UACA: variants seen among roughly 807,000 people sequenced by gnomAD.
The protein encoded by UACA is nuclear membrane binding protein.
UACA carries 112 observed loss-of-function variants against 160.5 expected under a neutral mutation model. That is an observed-to-expected ratio of 0.70 (90% CI 0.60 to 0.82). UACA has a LOEUF of 0.82. UACA is among the 40% of genes least tolerant of loss of function. The pLI is 0.00. For missense variants in UACA, 1,574 were observed against 1,614.6 expected, an observed-to-expected ratio of 0.97 and a Z score of 0.43; for synonymous variants, 557 against 568.4, an observed-to-expected ratio of 0.98 and a Z score of 0.29.
intron 1 of UACA, among the ~76,000 whole-genome samples, chr15:70,720,097 T>C (rs1243969622): frequency 1.3e-5 from 2 of 152,028 alleles, no homozygotes; most frequent in African/African-American, 4.8e-5. Context: ...TCTGGTTGTT[T>C]AAAGCATGCA....
At chr15:70,670,687 A>C (rs1016368892) in intron 15 of UACA, among the ~76,000 whole-genome samples, 1 of 151,978 alleles carries the variant, frequency 6.6e-6, no homozygotes, top group Non-Finnish European at 1.5e-5. Flanking sequence ...AAAAAAAAAA[A>C]CCAAAAAATT....
intron 1 of UACA, 65 bp from the exon 2 acceptor site, chr15:70,699,725 G>A (rs969528310): frequency 6.8e-5 from 106 of 1,557,018 alleles, no homozygotes; most frequent in Non-Finnish European, 9.0e-5. Flanking sequence ...TCTAAAGAAA[G>A]AAAAAAGAGA....
intron 1 of UACA, among the ~76,000 whole-genome samples, chr15:70,747,307 T>C (rs1433846271): frequency 6.7e-6 from 1 of 149,824 alleles, no homozygotes; most frequent in Non-Finnish European, 1.5e-5. Flanking sequence ...GCAGTGGCGT[T>C]ATCTTGGCTC....
chr15:70,697,700 T>C (rs555475343), intron 2 of UACA, among the ~76,000 whole-genome samples: 1 of 152,248 alleles, frequency 6.6e-6, no homozygotes, highest in South Asian at 2.1e-4. Context: ...TAATTAAGAA[T>C]ACAGTTTGTG....
chr15:70,714,970 A>C (rs1292511255), intron 1 of UACA, among the ~76,000 whole-genome samples: 2 of 152,336 alleles, frequency 1.3e-5, no homozygotes, highest in Middle Eastern at 3.4e-3. Flanking sequence ...ATATACATAG[A>C]TCTTAAACAG....
intron 1 of UACA, among the ~76,000 whole-genome samples, chr15:70,745,186 C>A (rs1471860362): frequency 1.3e-5 from 2 of 152,076 alleles, no homozygotes; most frequent in African/African-American, 4.8e-5. Flanking sequence ...AATCCCAGCA[C>A]TTTGGGATGC....
In UACA at chr15:70,666,983, C is replaced by G; in HGVS notation, c.3701G>C (p.Ser1234Thr). Residue 1234 changes from serine to threonine, a missense_variant, in exon 16 of 19, where the codon AGT becomes ACT. Coordinates refer to ENST00000322954, the MANE Select transcript of UACA (RefSeq NM_018003.4). ...GCTAGAAATCTGTGTCTCCAAATCA[C>G]TTTTTGTTGCTTTATATTTAGACAA... ...VDLSKYKATK[S>T]DLETQISSLN... 1 of 1,612,612 alleles carries G rather than the reference C, an allele frequency of 6.2e-7. No individual in the cohort carries two copies. The highest frequency in any genetic ancestry group is 2.2e-5 in the East Asian group (1 of 44,850).
chr15:70,719,551 A>G (rs1336215233), intron 1 of UACA, among the ~76,000 whole-genome samples: 2 of 152,246 alleles, frequency 1.3e-5, no homozygotes, highest in South Asian at 2.1e-4. Context: ...GAAATCAAAT[A>G]GATAAAAAGA....
chr15:70,659,294 G>A (rs1566958094), intron 18 of UACA, among the ~76,000 whole-genome samples: 1 of 148,068 alleles, frequency 6.8e-6, no homozygotes, highest in Non-Finnish European at 1.5e-5. Flanking sequence ...ATATCATAAA[G>A]TATCTTTCTT....
chr15:70,729,873 C>CTT (rs1899267986), intron 1 of UACA, among the ~76,000 whole-genome samples: 3 of 118,036 alleles, frequency 2.5e-5, no homozygotes, highest in Admixed American at 8.2e-5. Flanking sequence ...CACCCCCCAG[C>CTT]AGGGGCACAC....
chr15:70,701,783 C>A, intron 1 of UACA: 1 of 1,235,854 alleles, frequency 8.1e-7, no homozygotes, highest in South Asian at 1.5e-5. Flanking sequence ...ATAAAGCAAA[C>A]CAAATTAATA....
At chr15:70,681,509 G>C (rs888272984) in intron 9 of UACA, 1 of 152,106 alleles carries the variant, frequency 6.6e-6, no homozygotes, top group Non-Finnish European at 1.5e-5. Flanking sequence ...ATATTTCCTA[G>C]AGCACTGAGC....
intron 2 of UACA, among the ~76,000 whole-genome samples, chr15:70,697,331 T>G (rs1018067258): frequency 6.6e-6 from 1 of 152,216 alleles, no homozygotes; most frequent in Non-Finnish European, 1.5e-5. Context: ...AACAGGAGAC[T>G]GAACAGCACT....
upstream of UACA, among the ~76,000 whole-genome samples, chr15:70,764,434 C>T (rs981137712): frequency 1.3e-5 from 2 of 152,300 alleles, no homozygotes; most frequent in African/African-American, 4.8e-5. Flanking sequence ...AGGTGCTCAG[C>T]ACCCAATAAT....
intron 1 of UACA, among the ~76,000 whole-genome samples, chr15:70,706,517 GT>G (rs113064433): frequency 8.7e-6 from 1 of 114,916 alleles, no homozygotes. Flanking sequence ...GATCTTATTT[GT>G]TAAAAAAAAA....
chr15:70,708,444 G>A lies in UACA; in HGVS notation c.79-8784C>T, dbSNP rs574128781. On this transcript the variant is annotated intron_variant, in intron 1 of 18. Coordinates refer to ENST00000322954, the MANE Select transcript of UACA (RefSeq NM_018003.4). ...TAAAAATAATAATAAAAACATAAGT[G>A]CAATCTCTCACAATACTATCTTTTT... Among the ~76,000 whole-genome samples the A allele has an allele frequency of 6.6e-5, 10 of 151,556 alleles. No homozygotes were observed. In the East Asian group the frequency reaches 9.7e-4, roughly 15 times the overall value.
At chr15:70,746,801 C>T (rs1420839836) in intron 1 of UACA, among the ~76,000 whole-genome samples, 1 of 151,998 alleles carries the variant, frequency 6.6e-6, no homozygotes, top group African/African-American at 2.4e-5. Context: ...TACTAGGCAG[C>T]CATAAAAAAG....
At chr15:70,763,597 C>G (rs775891605), upstream of UACA, 125 of 1,180,598 alleles carry the variant, frequency 1.1e-4, no homozygotes, top group Non-Finnish European at 1.3e-4. Context: ...GCCAATTGAC[C>G]CGCTGCCCTG....
intron 4 of UACA, 26 bp downstream of exon 4, chr15:70,691,273 G>C: frequency 6.6e-7 from 1 of 1,517,810 alleles, no homozygotes; most frequent in Non-Finnish European, 9.0e-7. Flanking sequence ...AAATAATAAA[G>C]CTAAAGTATT....
Sources: allele counts gnomAD v4.1 joint callset (sites outside exome capture counted in the v4.1 genomes callset), GRCh38; gene constraint gnomAD v4.1.1; transcripts MANE v1.5; gene names NCBI Gene and HGNC (gene_info 2026-07-23, HGNC 2026-07-21).